Variants in RAD18 observed in about 807,000 individuals in gnomAD.
RAD18 encodes E3 ubiquitin-protein ligase RAD18.
RAD18 carries 47 observed loss-of-function variants against 60.4 expected under a neutral mutation model. The observed-to-expected ratio is 0.78, with a 90% CI of 0.62 to 0.99. The LOEUF is 0.99. Ranked by LOEUF, RAD18 falls within the 50% of genes least tolerant of loss-of-function variation. The pLI is 0.00. For missense variants in RAD18, 640 were observed against 593.3 expected (o/e 1.08, Z -0.82); for synonymous variants, 225 against 195.5 (o/e 1.15, Z -1.26).
chr3:8,955,848 T>C (rs531629401), intron 2 of RAD18, among the ~76,000 whole-genome samples: 3 of 152,294 alleles, frequency 2.0e-5, no homozygotes, highest in African/African-American at 7.2e-5. Flanking sequence ...GATCTTTCTC[T>C]ATATGGTAGT....
intron 7 of RAD18, among the ~76,000 whole-genome samples, chr3:8,915,746 G>C (rs765336942): frequency 6.6e-6 from 1 of 151,988 alleles, no homozygotes; most frequent in African/African-American, 2.4e-5. Flanking sequence ...ACCACGCTCA[G>C]CTAATTTTCT....
At chr3:8,924,519 C>T (rs1156442292) in intron 7 of RAD18, among the ~76,000 whole-genome samples, 2 of 141,734 alleles carry the variant, frequency 1.4e-5, no homozygotes, top group African/African-American at 5.2e-5. Context: ...AGAAAGTTAA[C>T]AAGGATATCC....
chr3:8,954,257 C>CT (rs1443743117), intron 2 of RAD18, among the ~76,000 whole-genome samples: 1 of 152,226 alleles, frequency 6.6e-6, no homozygotes, highest in African/African-American at 2.4e-5. Flanking sequence ...TAACTGGACA[C>CT]TTTAGATGTT....
intron 2 of RAD18, among the ~76,000 whole-genome samples, chr3:8,952,489 T>G (rs978375101): frequency 1.3e-5 from 2 of 152,354 alleles, no homozygotes; most frequent in Middle Eastern, 3.4e-3. Context: ...GTCATAGTGA[T>G]TCAATGGATT....
chr3:8,963,213 A>C, intron 1 of RAD18, 122 bp downstream of exon 1: 10 of 1,069,682 alleles, frequency 9.3e-6, no homozygotes, highest in South Asian at 1.7e-5. Flanking sequence ...AGAGCCGGAT[A>C]CCCGGGCCCA....
chr3:8,898,993 T>G lies in RAD18; in HGVS notation c.1223A>C (p.Asp408Ala). The change falls in exon 11 of 13, where the codon GAC (aspartate) becomes GCC (alanine). Residue 408 changes from aspartate (D) to alanine (A), a missense_variant. Coordinates refer to ENST00000264926, the MANE Select transcript of RAD18 (RefSeq NM_020165.4). ...GTCAGGTTCCAATTCCTCTGGGGAG[T>G]CCAGCTTTGATTGAGAAAAGTGGTT... ...VTNHFSQSKL[D>A]SPEELEPDRE... is the part of the protein sequence containing the mutation. 1 of 1,608,604 alleles carries G rather than the reference T, an allele frequency of 6.2e-7. No homozygotes were observed. The highest frequency in any genetic ancestry group is 8.5e-7 in the Non-Finnish European group (1 of 1,176,654).
At chr3:8,910,473 G>A (rs1278246391) in intron 9 of RAD18, among the ~76,000 whole-genome samples, 1 of 151,986 alleles carries the variant, frequency 6.6e-6, no homozygotes, top group South Asian at 2.1e-4. Flanking sequence ...GGTGGCAGGC[G>A]CCTGTACTCA....
At chr3:8,913,038 A>G (rs1370105754) in intron 8 of RAD18, among the ~76,000 whole-genome samples, 1 of 14,654 alleles carries the variant, frequency 6.8e-5, no homozygotes, top group Admixed American at 7.1e-4. Flanking sequence ...ATGGCCTAGA[A>G]AAAAAAAAAG....
chr3:8,910,769 A>G (rs1268069202), intron 9 of RAD18, among the ~76,000 whole-genome samples: 1 of 152,254 alleles, frequency 6.6e-6, no homozygotes, highest in South Asian at 2.1e-4. Context: ...AGGGCTCAGG[A>G]TATATAAATG....
chr3:8,915,585 C>CTT (rs749576578), intron 7 of RAD18, among the ~76,000 whole-genome samples: 23 of 139,900 alleles, frequency 1.6e-4, no homozygotes, highest in South Asian at 2.3e-4. Context: ...GGCTATTTTC[C>CTT]TTTTTTTTTT....
chr3:8,910,591 C>T (rs1319154112), intron 9 of RAD18, among the ~76,000 whole-genome samples: 10 of 150,834 alleles, frequency 6.6e-5, no homozygotes, highest in Non-Finnish European at 1.3e-4. Flanking sequence ...ACAGAGCGAG[C>T]CTCCATCTCA....
intron 2 of RAD18, among the ~76,000 whole-genome samples, chr3:8,948,913 T>G (rs944580665): frequency 6.6e-6 from 1 of 152,162 alleles, no homozygotes; most frequent in Non-Finnish European, 1.5e-5. Context: ...TTTGAAAATA[T>G]AAATTTTGAA....
At chr3:8,929,590 A>T (rs1940512974) in intron 7 of RAD18, among the ~76,000 whole-genome samples, 1 of 152,162 alleles carries the variant, frequency 6.6e-6, no homozygotes, top group Admixed American at 6.5e-5. Flanking sequence ...CACACCCACT[A>T]GGAAAAAGAC....
rs550601460 is a variant in RAD18, at chr3:8,901,434, C to T, written c.1168+946G>A. Among the ~76,000 whole-genome samples the T allele has an allele frequency of 9.2e-5, 14 of 152,182 alleles. No homozygotes were observed. In the South Asian group the frequency reaches 2.9e-3, roughly 32 times the overall value. On this transcript the variant is annotated intron_variant, in intron 10 of 12. Transcript: ENST00000264926. ...ATGGATAAACAAAATATGACATATA[C>T]ATACTATGGAATACTGTTTAATCAA...
At chr3:8,935,627 A>G (rs1940635374) in intron 7 of RAD18, among the ~76,000 whole-genome samples, 1 of 152,138 alleles carries the variant, frequency 6.6e-6, no homozygotes, top group South Asian at 2.1e-4. Flanking sequence ...TTCTCCCTAG[A>G]TAGGCACATG....
chr3:8,894,553 T>A (rs1011627463), intron 11 of RAD18, among the ~76,000 whole-genome samples: 6 of 152,114 alleles, frequency 3.9e-5, no homozygotes, highest in Non-Finnish European at 8.8e-5. Context: ...GCCAGGCACC[T>A]TTCCAGAGTC....
intron 2 of RAD18, among the ~76,000 whole-genome samples, chr3:8,951,681 A>T (rs1940927319): frequency 6.6e-6 from 1 of 152,258 alleles, no homozygotes; most frequent in African/African-American, 2.4e-5. Context: ...ATGCGTATAA[A>T]AATGCACGCT....
chr3:8,961,601 C>T lies in RAD18; in HGVS notation c.51+1734G>A, dbSNP rs191242416. Among the ~76,000 whole-genome samples, 87 of 152,224 alleles carry T rather than the reference C, an allele frequency of 5.7e-4. No individual in the cohort carries two copies. In the South Asian group the frequency reaches 6.6e-3, roughly 12 times the overall value. On this transcript the variant is annotated intron_variant, in intron 1 of 12. Coordinates refer to ENST00000264926, the MANE Select transcript of RAD18 (RefSeq NM_020165.4). The stretch of plus-strand genomic sequence containing the variant: ...TTCTGGGATCTGATAGTTCTTTGTG[C>T]CTGGAAGAGTTCAAGCAAAAATTAG...
At chr3:8,924,193 C>T (rs1262270912) in intron 7 of RAD18, among the ~76,000 whole-genome samples, 1 of 151,524 alleles carries the variant, frequency 6.6e-6, no homozygotes, top group Non-Finnish European at 1.5e-5. Flanking sequence ...CACACATAGG[C>T]TCAAAATAAA....
Sources: gnomAD v4.1 joint callset for allele counts (sites outside exome capture counted in the v4.1 genomes callset) on GRCh38, gnomAD v4.1.1 for gene constraint, MANE v1.5 for transcripts, NCBI Gene and HGNC (gene_info 2026-07-23, HGNC 2026-07-21) for gene names.